ESRRG: variants seen among roughly 807,000 people sequenced by gnomAD.
ESRRG encodes the protein estrogen-related receptor gamma.
ESRRG carries 13 observed loss-of-function variants against 44.0 expected under a neutral mutation model. That is an observed-to-expected ratio of 0.30 (90% CI 0.19 to 0.47). ESRRG has a LOEUF of 0.47. Ranked by LOEUF, ESRRG falls within the 20% of genes least tolerant of loss-of-function variation. The pLI is 1.00. For synonymous variants in ESRRG, 215 were observed against 214.6 expected, an observed-to-expected ratio of 1.00 and a Z score of -0.02; for missense variants, 395 against 580.6, an observed-to-expected ratio of 0.68 and a Z score of 3.29.
chr1:217,049,756 A>G (rs1451394794), intron 1 of ESRRG, among the ~76,000 whole-genome samples: 1 of 152,110 alleles, frequency 6.6e-6, no homozygotes. Context: ...ATTGGTTCCA[A>G]TCCAGGGAGA....
At chr1:217,099,376 CAAAAA>C (rs34591349) in intron 1 of ESRRG, among the ~76,000 whole-genome samples, 2 of 138,742 alleles carry the variant, frequency 1.4e-5, no homozygotes, top group Non-Finnish European at 1.6e-5. Flanking sequence ...GTGAGCAGAG[CAAAAA>C]AAAAAAAAAA....
intron 2 of ESRRG, among the ~76,000 whole-genome samples, chr1:216,843,130 TGA>T (rs1044544305): frequency 2.0e-4 from 30 of 151,076 alleles, no homozygotes; most frequent in African/African-American, 6.8e-4. Flanking sequence ...GGGAAATAAA[TGA>T]GAGATAGTCT....
chr1:217,086,910 C>T (rs2092113959), intron 1 of ESRRG, among the ~76,000 whole-genome samples: 1 of 133,750 alleles, frequency 7.5e-6, no homozygotes, highest in African/African-American at 2.5e-5. Flanking sequence ...CAGAGTCAAA[C>T]ACACAAGACA....
chr1:217,009,288 C>G (rs1007033134), intron 1 of ESRRG, among the ~76,000 whole-genome samples: 1 of 152,002 alleles, frequency 6.6e-6, no homozygotes, highest in African/African-American at 2.4e-5. Context: ...TTGAAGATTG[C>G]TCTTTAAAAT....
intron 2 of ESRRG, among the ~76,000 whole-genome samples, chr1:216,651,777 T>A (rs1019800702): frequency 1.3e-5 from 2 of 152,226 alleles, no homozygotes; most frequent in Admixed American, 6.5e-5. Context: ...TGAAGTTCCC[T>A]GATGTTAGAA....
At chr1:216,986,677 A>G (rs1369423052) in intron 1 of ESRRG, among the ~76,000 whole-genome samples, 3 of 152,108 alleles carry the variant, frequency 2.0e-5, no homozygotes, top group Non-Finnish European at 2.9e-5. Context: ...CAGTGAGCCA[A>G]TATCACACGA....
At chr1:217,067,694 G>C (rs1224405895) in intron 1 of ESRRG, among the ~76,000 whole-genome samples, 1 of 152,158 alleles carries the variant, frequency 6.6e-6, no homozygotes, top group African/African-American at 2.4e-5. Context: ...CATAGTCTTA[G>C]AATTAACCCA....
At chr1:216,919,944 T>C (rs553168156) in intron 2 of ESRRG, among the ~76,000 whole-genome samples, 1 of 152,322 alleles carries the variant, frequency 6.6e-6, no homozygotes, top group East Asian at 1.9e-4. Flanking sequence ...TGGCATCTTG[T>C]TATGTTATTC....
chr1:216,959,145 A>T (rs980459985), intron 1 of ESRRG, among the ~76,000 whole-genome samples: 7 of 151,908 alleles, frequency 4.6e-5, no homozygotes, highest in African/African-American at 1.5e-4. Flanking sequence ...CTACCAAAAT[A>T]TAAGCTCTAT....
At chr1:217,107,254 G>A (rs867110513) in intron 1 of ESRRG, among the ~76,000 whole-genome samples, 2 of 152,314 alleles carry the variant, frequency 1.3e-5, no homozygotes, top group Middle Eastern at 3.4e-3. Context: ...TCGGACGCTT[G>A]GATAAGATTC....
At chr1:216,838,948 G>A (rs1382304096) in intron 2 of ESRRG, among the ~76,000 whole-genome samples, 4 of 152,078 alleles carry the variant, frequency 2.6e-5, no homozygotes, top group Non-Finnish European at 4.4e-5. Flanking sequence ...CTGAAGGCTG[G>A]GGTAGCTGTA....
intron 1 of ESRRG, among the ~76,000 whole-genome samples, chr1:216,979,820 A>G (rs1336361077): frequency 6.6e-6 from 1 of 152,184 alleles, no homozygotes; most frequent in East Asian, 1.9e-4. Context: ...TCATGCTATT[A>G]TATAGACAGC....
intron 3 of ESRRG, among the ~76,000 whole-genome samples, chr1:216,589,056 G>T (rs1389559023): frequency 1.3e-5 from 2 of 152,152 alleles, no homozygotes; most frequent in Non-Finnish European, 2.9e-5. Context: ...TGGAAAAACT[G>T]GAAGATGGAA....
chr1:216,895,651 C>T (rs2058331372), intron 2 of ESRRG, among the ~76,000 whole-genome samples: 1 of 152,094 alleles, frequency 6.6e-6, no homozygotes, highest in Non-Finnish European at 1.5e-5. Context: ...TCAACTTTTC[C>T]TTCTAATGAT....
At chr1:217,133,655 C>CTTTCTTTCTTTCTTTCT (rs2093004033) in intron 1 of ESRRG, among the ~76,000 whole-genome samples, 2 of 63,646 alleles carry the variant, frequency 3.1e-5, no homozygotes, top group Admixed American at 2.5e-4. Context: ...CTCTTTCTTT[C>CTTTCTTTCTTTCTTTCT]TTTCTTTCTT....
intron 1 of ESRRG, among the ~76,000 whole-genome samples, chr1:217,137,328 T>C (rs574123111): frequency 1.3e-5 from 2 of 152,342 alleles, no homozygotes; most frequent in East Asian, 3.9e-4. Context: ...AACGCAAAAG[T>C]TACTCTGTCC....
intron 2 of ESRRG, among the ~76,000 whole-genome samples, chr1:216,910,723 A>C (rs2060210428): frequency 6.6e-6 from 1 of 152,202 alleles, no homozygotes; most frequent in Admixed American, 6.5e-5. Context: ...ATCACTGACT[A>C]TATGGAGACT....
chr1:216,866,457 G>T (rs920153974), intron 2 of ESRRG, among the ~76,000 whole-genome samples: 5 of 152,074 alleles, frequency 3.3e-5, no homozygotes, highest in African/African-American at 1.2e-4. Context: ...TTCTACGGAA[G>T]ATCTACTTTC....
At chr1:217,034,271 AG>A (rs2151054733) in intron 1 of ESRRG, among the ~76,000 whole-genome samples, 2 of 152,194 alleles carry the variant, frequency 1.3e-5, no homozygotes, top group East Asian at 3.8e-4. Context: ...TGCTGTAGAA[AG>A]GGATCTCTTT....
Sources: allele counts gnomAD v4.1 joint callset (sites outside exome capture counted in the v4.1 genomes callset), GRCh38; gene constraint gnomAD v4.1.1; transcripts MANE v1.5; gene names NCBI Gene and HGNC (gene_info 2026-07-23, HGNC 2026-07-21).